NAV3: variants seen among roughly 807,000 people sequenced by gnomAD.
The protein encoded by NAV3 is neuron navigator 3.
NAV3 carries 87 observed loss-of-function variants against 244.7 expected under a neutral mutation model. The ratio of observed to expected loss-of-function variants is 0.36; its 90% CI spans 0.30 to 0.42. NAV3 has a LOEUF of 0.42. Among genes scored for constraint, NAV3 ranks in the 20% least tolerant of loss-of-function variants. The pLI is 1.00. For missense variants in NAV3, 2,663 were observed against 2,893.3 expected (o/e 0.92, Z 1.83); for synonymous variants, 1,126 against 1,042.2 (o/e 1.08, Z -1.55).
chr12:77,977,039 GCA>G, intron 5 of NAV3, among the ~76,000 whole-genome samples: 1 of 152,136 alleles, frequency 6.6e-6, no homozygotes, highest in East Asian at 1.9e-4. Flanking sequence ...CAATTAAATT[GCA>G]CAGTTTCACA....
intron 5 of NAV3, among the ~76,000 whole-genome samples, chr12:77,980,818 C>T (rs536936272): frequency 1.9e-4 from 29 of 152,240 alleles, no homozygotes; most frequent in Non-Finnish European, 2.8e-4. Context: ...ATATGAGCCT[C>T]ATTTCCTGAA....
At chr12:78,190,294 G>A (rs1958916004) in intron 34 of NAV3, 75 bp downstream of exon 34, 4 of 1,219,940 alleles carry the variant, frequency 3.3e-6, no homozygotes, top group Non-Finnish European at 4.6e-6. Flanking sequence ...ATAAGATTTT[G>A]TGAGACTTCC....
chr12:78,014,874 A>G (rs1282156775), intron 8 of NAV3, among the ~76,000 whole-genome samples: 1 of 152,120 alleles, frequency 6.6e-6, no homozygotes, highest in Non-Finnish European at 1.5e-5. Context: ...ATAATTGACT[A>G]TCAGTAAAAA....
chr12:78,077,669 G>A (rs1953120125), intron 12 of NAV3, among the ~76,000 whole-genome samples: 1 of 152,240 alleles, frequency 6.6e-6, no homozygotes. Context: ...CAGGCACAGT[G>A]GCTCATGCCT....
At chr12:77,685,672 A>G (rs148511354) in intron 2 of NAV3, among the ~76,000 whole-genome samples, 1 of 152,328 alleles carries the variant, frequency 6.6e-6, no homozygotes, top group African/African-American at 2.4e-5. Context: ...AGAGAACTGT[A>G]AGAATGGCTG....
intron 2 of NAV3, among the ~76,000 whole-genome samples, chr12:77,624,656 G>A (rs1472478890): frequency 6.6e-6 from 1 of 151,378 alleles, no homozygotes; most frequent in Non-Finnish European, 1.5e-5. Context: ...AATGCAGGCT[G>A]AGAGAGAGAG....
chr12:78,081,242 T>A (rs1953334676), intron 12 of NAV3, among the ~76,000 whole-genome samples: 1 of 152,210 alleles, frequency 6.6e-6, no homozygotes, highest in African/African-American at 2.4e-5. Flanking sequence ...CTACCAGGAA[T>A]GTTCTTTTCT....
intron 6 of NAV3, among the ~76,000 whole-genome samples, chr12:77,996,194 A>G (rs929035934): frequency 6.6e-6 from 1 of 152,190 alleles, no homozygotes; most frequent in Non-Finnish European, 1.5e-5. Flanking sequence ...TGAGTTTGGA[A>G]TGAACTTTCT....
chr12:78,136,806 T>C (rs889797946), intron 18 of NAV3, among the ~76,000 whole-genome samples: 3 of 152,186 alleles, frequency 2.0e-5, no homozygotes, highest in Admixed American at 6.5e-5. Context: ...ATTTTGCTTT[T>C]TCCATTAAAG....
intron 9 of NAV3, among the ~76,000 whole-genome samples, chr12:78,048,823 C>A (rs552657916): frequency 6.6e-6 from 1 of 152,198 alleles, no homozygotes; most frequent in Non-Finnish European, 1.5e-5. Context: ...CCCACAGCCG[C>A]CCCTTCCCCC....
chr12:77,595,623 C>T (rs1870131964), intron 2 of NAV3, among the ~76,000 whole-genome samples: 1 of 151,984 alleles, frequency 6.6e-6, no homozygotes, highest in East Asian at 1.9e-4. Context: ...ATATGAATAT[C>T]AAAACATCAT....
intron 2 of NAV3, among the ~76,000 whole-genome samples, chr12:77,712,807 TACAA>T (rs1285338621): frequency 3.3e-5 from 5 of 152,230 alleles, no homozygotes; most frequent in Non-Finnish European, 7.3e-5. Flanking sequence ...AAGAAATTCA[TACAA>T]ACAAATGACT....
At chr12:77,953,480 C>T (rs2137692473) in intron 3 of NAV3, among the ~76,000 whole-genome samples, 1 of 152,276 alleles carries the variant, frequency 6.6e-6, no homozygotes, top group East Asian at 1.9e-4. Context: ...TACCATGATG[C>T]AAATCCAGTT....
At chr12:77,786,177 A>G (rs956201240) in intron 2 of NAV3, among the ~76,000 whole-genome samples, 2 of 152,150 alleles carry the variant, frequency 1.3e-5, no homozygotes, top group Non-Finnish European at 2.9e-5. Context: ...GAAAGTGTCT[A>G]TTATATTATG....
chr12:77,767,785 G>T (rs563159388), intron 2 of NAV3, among the ~76,000 whole-genome samples: 1 of 152,174 alleles, frequency 6.6e-6, no homozygotes, highest in Non-Finnish European at 1.5e-5. Context: ...GGAGCACCTA[G>T]GTCTGAGATC....
At chr12:77,596,780 G>GGTGAC (rs1177731632) in intron 2 of NAV3, among the ~76,000 whole-genome samples, 1 of 152,080 alleles carries the variant, frequency 6.6e-6, no homozygotes, top group Non-Finnish European at 1.5e-5. Context: ...AGTGGGCTTG[G>GGTGAC]GTGACTTTTT....
Position 78,119,340 on chromosome 12 carries a change from A to G in NAV3, c.3144A>G (p.Glu1048=), listed in dbSNP as rs757049479. 20 of 1,614,072 alleles carry G rather than the reference A, an allele frequency of 1.2e-5. No homozygotes were observed. The highest frequency in any genetic ancestry group is 5.0e-5 in the Admixed American group (3 of 60,004). ...ATGCAGGAAAAAGCAGTGGAGATGA[A>G]GGGAAAAAGCCCCCCTCAGGCATTG... ...PSDAGKSSGD[E]GKKPPSGIGR... Residue 1048 remains glutamate (E), a synonymous_variant, in exon 15 of 40, where the codon GAA becomes GAG. Coordinates refer to ENST00000397909, the MANE Select transcript of NAV3 (RefSeq NM_001024383.2).
intron 1 of NAV3, among the ~76,000 whole-genome samples, chr12:77,860,954 T>C (rs1565865518): frequency 1.3e-5 from 2 of 151,956 alleles, no homozygotes; most frequent in African/African-American, 4.8e-5. Context: ...ACAATATTCA[T>C]ATGGTGTATG....
At chr12:77,890,673 T>C (rs1312443257) in intron 1 of NAV3, among the ~76,000 whole-genome samples, 4 of 152,194 alleles carry the variant, frequency 2.6e-5, no homozygotes, top group African/African-American at 9.6e-5. Flanking sequence ...CTGCTCTATA[T>C]TGACTCAGAA....
Sources: gnomAD v4.1 joint callset for allele counts (sites outside exome capture counted in the v4.1 genomes callset) on GRCh38, gnomAD v4.1.1 for gene constraint, MANE v1.5 for transcripts, NCBI Gene and HGNC (gene_info 2026-07-23, HGNC 2026-07-21) for gene names.